Variants in AVEN observed in about 807,000 individuals in gnomAD.
AVEN encodes the protein apoptosis and caspase activation inhibitor, also known as cell death regulator Aven.
A neutral mutation model predicts 38.1 loss-of-function variants in AVEN; 41 were observed. The observed-to-expected ratio is 1.08, with a 90% CI of 0.84 to 1.40. The LOEUF (loss-of-function observed/expected upper bound fraction) is 1.40. Among genes scored for constraint, AVEN ranks in the 40% most tolerant of loss-of-function variants. The probability of loss-of-function intolerance (pLI) is 0.00; values close to 1 mark genes in which losing one functional copy is unlikely to be tolerated. For missense variants in AVEN, 605 were observed against 438.8 expected (o/e 1.38, Z -3.38); for synonymous variants, 206 against 171.8 (o/e 1.20, Z -1.56).
intron 11 of AVEN, among the ~76,000 whole-genome samples, chr15:33,859,400 G>T (rs116868254): frequency 6.6e-6 from 1 of 152,148 alleles, no homozygotes; most frequent in Non-Finnish European, 1.5e-5. Context: ...ATATCAAACT[G>T]TCCAGAGGGT....
intron 1 of AVEN, 129 bp downstream of exon 1, chr15:34,038,651 C>CGCAGGG (rs1899282187): frequency 1.2e-6 from 1 of 863,320 alleles, no homozygotes; most frequent in South Asian, 5.5e-5. Context: ...GCCCGTCCCG[C>CGCAGGG]GCAGGCGCCG....
At chr15:33,919,382 T>C (rs1420828903) in intron 2 of AVEN, among the ~76,000 whole-genome samples, 3 of 152,206 alleles carry the variant, frequency 2.0e-5, no homozygotes, top group Non-Finnish European at 4.4e-5. Context: ...ATTCTAACTT[T>C]AGAAAGACAA....
intron 2 of AVEN, among the ~76,000 whole-genome samples, chr15:33,917,312 C>T (rs774840459): frequency 1.3e-5 from 2 of 150,886 alleles, no homozygotes; most frequent in Non-Finnish European, 2.9e-5. Context: ...TGGAACCAGC[C>T]TAAATGCCCA....
intron 2 of AVEN, among the ~76,000 whole-genome samples, chr15:33,954,452 T>A (rs375496713): frequency 6.6e-6 from 1 of 151,426 alleles, no homozygotes; most frequent in Non-Finnish European, 1.5e-5. Flanking sequence ...CACATATACA[T>A]CATGGAATAC....
intron 5 of AVEN, chr15:34,062,609 G>T: frequency 1.1e-6 from 1 of 908,084 alleles, no homozygotes; most frequent in Non-Finnish European, 1.7e-6. Flanking sequence ...AATCATGCTG[G>T]TGTGCGAAGC....
At chr15:33,876,290 G>A (rs1210554852) in intron 2 of AVEN, among the ~76,000 whole-genome samples, 1 of 152,166 alleles carries the variant, frequency 6.6e-6, no homozygotes, top group Non-Finnish European at 1.5e-5. Context: ...TTATGACATA[G>A]GCCAGGCACA....
At chr15:33,903,732 C>A (rs1301269690) in intron 2 of AVEN, among the ~76,000 whole-genome samples, 1 of 150,598 alleles carries the variant, frequency 6.6e-6, no homozygotes, top group East Asian at 1.9e-4. Context: ...AAAGAACATA[C>A]TTGTTTATAA....
chr15:34,018,986 A>C (rs1898087087), intron 1 of AVEN, among the ~76,000 whole-genome samples: 1 of 151,502 alleles, frequency 6.6e-6, no homozygotes, highest in South Asian at 2.1e-4. Flanking sequence ...GTTTTTACAG[A>C]GTGCTCATTG....
At chr15:33,954,108 T>C (rs1216918815) in intron 2 of AVEN, among the ~76,000 whole-genome samples, 4 of 152,100 alleles carry the variant, frequency 2.6e-5, no homozygotes, top group Non-Finnish European at 5.9e-5. Context: ...TGAGATACCA[T>C]CTCACGCCAG....
intron 11 of AVEN, among the ~76,000 whole-genome samples, chr15:33,860,284 G>C (rs1242650573): frequency 1.3e-5 from 2 of 152,012 alleles, no homozygotes; most frequent in Non-Finnish European, 2.9e-5. Flanking sequence ...AAGAGGGAGA[G>C]CCTATCACAC....
intron 1 of AVEN, among the ~76,000 whole-genome samples, chr15:34,037,619 TTC>T (rs1689324855): frequency 6.6e-6 from 1 of 150,838 alleles, no homozygotes; most frequent in African/African-American, 2.4e-5. Context: ...TGGTCTTAGT[TTC>T]TGTCATTTAC....
intron 2 of AVEN, among the ~76,000 whole-genome samples, chr15:34,069,606 A>G (rs942908996): frequency 1.3e-5 from 2 of 152,168 alleles, no homozygotes; most frequent in African/African-American, 2.4e-5. Context: ...GTTCTATCTC[A>G]TTATTGGTGA....
In AVEN at chr15:33,993,204, G is replaced by T. The variant is rs192800632; in HGVS notation, c.445+9828C>A. Among the ~76,000 whole-genome samples the T allele has an allele frequency of 5.8e-3, 876 of 152,246 alleles. 11 individuals are homozygous for T. Among genetic ancestry groups the T allele is most frequent in the African/African-American group, 0.02 (845 of 41,538 alleles). Reference sequence around the variant, plus strand: ...ATTTCTCATAGATCTTACTTTTTACGTTTGAAGGTAAGAGTGGGGTGCCAT... The same window carrying T: ...ATTTCTCATAGATCTTACTTTTTACTTTTGAAGGTAAGAGTGGGGTGCCAT... On this transcript the variant is annotated intron_variant, in intron 2 of 5. Transcript: ENST00000306730.
intron 2 of AVEN, among the ~76,000 whole-genome samples, chr15:33,959,200 A>T (rs915040184): frequency 4.6e-5 from 7 of 152,148 alleles, no homozygotes; most frequent in African/African-American, 1.7e-4. Flanking sequence ...TCCTGTCATC[A>T]AACCCAAGGC....
At chr15:33,855,030 T>C (rs115955224), downstream of AVEN, 366 of 1,085,962 alleles carry the variant, frequency 3.4e-4, 1 homozygote, top group African/African-American at 5.2e-3. Flanking sequence ...AATGTACTTT[T>C]CTTGGCCAAA....
intron 1 of AVEN, among the ~76,000 whole-genome samples, chr15:34,074,021 A>T (rs1900688434): frequency 2.2e-5 from 2 of 92,356 alleles, no homozygotes; most frequent in African/African-American, 5.5e-5. Context: ...TTTTTGAGAC[A>T]CAGTCCTGCT....
At chr15:33,995,878 G>A (rs888685857) in intron 2 of AVEN, among the ~76,000 whole-genome samples, 27 of 152,332 alleles carry the variant, frequency 1.8e-4, no homozygotes, top group Middle Eastern at 3.4e-3. Context: ...GGGGCGGGGC[G>A]CTGCCTCACC....
chr15:33,996,789 C>T (rs1023936353), intron 2 of AVEN, among the ~76,000 whole-genome samples: 11 of 152,158 alleles, frequency 7.2e-5, no homozygotes, highest in Non-Finnish European at 1.2e-4. Context: ...AAAACCAGAG[C>T]GCCTCTTGTC....
chr15:34,042,631 G>A (rs111481649), upstream of AVEN, among the ~76,000 whole-genome samples: 1,709 of 151,874 alleles, frequency 0.011, 41 homozygotes, highest in African/African-American at 0.04. Context: ...TCAAACTCCC[G>A]ACCTCAGGTG....
Sources: allele counts gnomAD v4.1 joint callset (sites outside exome capture counted in the v4.1 genomes callset), GRCh38; gene constraint gnomAD v4.1.1; transcripts MANE v1.5; gene names NCBI Gene and HGNC (gene_info 2026-07-23, HGNC 2026-07-21).